GNAL: variants seen among roughly 807,000 people sequenced by gnomAD.
GNAL encodes guanine nucleotide-binding protein G(olf) subunit alpha.
Under a neutral mutation model 55.1 loss-of-function variants are expected in GNAL, and 18 were observed. The ratio of observed to expected loss-of-function variants is 0.33; its 90% CI spans 0.23 to 0.48. The LOEUF (loss-of-function observed/expected upper bound fraction) is 0.48, where lower values mean the gene tolerates loss of function less well. GNAL is among the 20% of genes least tolerant of loss of function. The pLI is 0.99. For synonymous variants in GNAL, 253 were observed against 237.0 expected (o/e 1.07, Z -0.62); for missense variants, 412 against 614.1 (o/e 0.67, Z 3.48).
chr18:11,850,385 C>T (rs1449598846), intron 5 of GNAL, among the ~76,000 whole-genome samples: 1 of 152,192 alleles, frequency 6.6e-6, no homozygotes, highest in Non-Finnish European at 1.5e-5. Flanking sequence ...TTAAAATGAT[C>T]TCTAAACAGA....
chr18:11,757,953 G>A (rs1010913593), intron 4 of GNAL, among the ~76,000 whole-genome samples: 5 of 152,090 alleles, frequency 3.3e-5, no homozygotes, highest in Admixed American at 2.6e-4. Context: ...AGGTGGCGGC[G>A]GCAGATTAGG....
intron 5 of GNAL, among the ~76,000 whole-genome samples, chr18:11,840,763 A>AGAGGAAGCACCCG (rs2035595985): frequency 6.6e-6 from 1 of 152,212 alleles, no homozygotes; most frequent in Non-Finnish European, 1.5e-5. Context: ...GCTGCAGAGA[A>AGAGGAAGCACCCG]GAGGAAGCAC....
chr18:11,861,990 A>ACACAC (rs1555615372), intron 5 of GNAL, among the ~76,000 whole-genome samples: 1 of 146,778 alleles, frequency 6.8e-6, no homozygotes, highest in Admixed American at 6.8e-5. Flanking sequence ...ACACACACAC[A>ACACAC]ACATCTGGAT....
At chr18:11,844,630 A>G (rs892939488) in intron 5 of GNAL, among the ~76,000 whole-genome samples, 1 of 152,090 alleles carries the variant, frequency 6.6e-6, no homozygotes, top group African/African-American at 2.4e-5. Flanking sequence ...CTGCACACAC[A>G]TGTCCCCGGG....
rs1199252909 is a variant in GNAL at position 11,751,585 on chromosome 18, A to G, written c.377-1268A>G. On this transcript the variant is annotated intron_variant, in intron 1 of 11. Transcript: ENST00000334049. This position sits in a 1 kb window ranked among gnomAD's most constrained non-coding sequence, Gnocchi z 4.5. Reference sequence around the variant, plus strand: ...GAGTCTTCGCCCGCCAGGAGCAGGGACGCGTCCGAGCCAACACGGGGCGCG... The same window carrying G: ...GAGTCTTCGCCCGCCAGGAGCAGGGGCGCGTCCGAGCCAACACGGGGCGCG... The G allele has an allele frequency of 4.1e-6, 4 of 985,420 alleles. No individual in the cohort carries two copies. In the East Asian group the frequency reaches 4.6e-4, roughly 112 times the overall value. The allele number at this position is 985,420 out of a possible 1,614,324, so 61.0% of individuals were successfully genotyped here.
intron 2 of GNAL, 79 bp from the exon 3 acceptor site, chr18:11,753,549 G>A: frequency 1.1e-6 from 1 of 939,106 alleles, no homozygotes; most frequent in Non-Finnish European, 1.7e-6. Context: ...GCTGTAGCTG[G>A]AAATTTAAAA....
chr18:11,836,050 G>A (rs1196324349), intron 5 of GNAL, among the ~76,000 whole-genome samples: 1 of 152,140 alleles, frequency 6.6e-6, no homozygotes, highest in East Asian at 1.9e-4. Flanking sequence ...CAGAGGCTGA[G>A]TTGGGAGGAT....
chr18:11,709,359 T>C (rs2031786836), intron 1 of GNAL, among the ~76,000 whole-genome samples: 1 of 150,356 alleles, frequency 6.7e-6, no homozygotes, highest in South Asian at 2.1e-4. Context: ...GTCATTAGGA[T>C]TTCCCTGGGG....
chr18:11,840,707 G>C (rs534173921), intron 5 of GNAL, among the ~76,000 whole-genome samples: 1 of 152,110 alleles, frequency 6.6e-6, no homozygotes, highest in African/African-American at 2.4e-5. Context: ...CCTGGTGGAC[G>C]TATTCGGGAA....
At chr18:11,729,998 G>A (rs2032298665) in intron 1 of GNAL, among the ~76,000 whole-genome samples, 1 of 152,026 alleles carries the variant, frequency 6.6e-6, no homozygotes, top group African/African-American at 2.4e-5. Flanking sequence ...TTATTTAGTT[G>A]GCAATGGGTT....
At chr18:11,766,556 C>T (rs762053027) in intron 4 of GNAL, among the ~76,000 whole-genome samples, 2 of 152,178 alleles carry the variant, frequency 1.3e-5, no homozygotes, top group Admixed American at 6.5e-5. Context: ...CCCCAAAGGG[C>T]GATCTTCTCA....
At chr18:11,879,131 T>C (rs1193412504) in intron 11 of GNAL, among the ~76,000 whole-genome samples, 1 of 150,108 alleles carries the variant, frequency 6.7e-6, no homozygotes, top group Non-Finnish European at 1.5e-5. Flanking sequence ...TAAAAATATA[T>C]ATATATAACC....
At chr18:11,873,355 A>T (rs1033697382) in intron 10 of GNAL, among the ~76,000 whole-genome samples, 7 of 152,232 alleles carry the variant, frequency 4.6e-5, no homozygotes, top group African/African-American at 1.4e-4. Flanking sequence ...AAGTATATTC[A>T]TAGTAAAATC....
chr18:11,768,786 C>T (rs1280775179), intron 4 of GNAL, among the ~76,000 whole-genome samples: 7 of 145,486 alleles, frequency 4.8e-5, no homozygotes, highest in African/African-American at 1.8e-4. Context: ...CCCAGCTACT[C>T]GGGAGGCTGA....
chr18:11,845,530 A>G (rs941858998), intron 5 of GNAL, among the ~76,000 whole-genome samples: 29 of 152,148 alleles, frequency 1.9e-4, no homozygotes, highest in Non-Finnish European at 2.4e-4. Context: ...AGACCTAACA[A>G]TATTTCACGT....
At chr18:11,863,116 T>C (rs1448894037) in intron 6 of GNAL, among the ~76,000 whole-genome samples, 1 of 152,142 alleles carries the variant, frequency 6.6e-6, no homozygotes, top group Non-Finnish European at 1.5e-5. Context: ...TGACCTCAAG[T>C]GATACACCTG....
At chr18:11,777,033 A>G (rs930938734) in intron 4 of GNAL, among the ~76,000 whole-genome samples, 2 of 152,256 alleles carry the variant, frequency 1.3e-5, no homozygotes, top group Non-Finnish European at 2.9e-5. Context: ...GGAAGGACAA[A>G]TACATTTCTT....
intron 5 of GNAL, chr18:11,851,297 G>A (rs2035855519): frequency 1.8e-6 from 1 of 542,284 alleles, no homozygotes; most frequent in Non-Finnish European, 3.1e-6. Context: ...GCAGCCCCTG[G>A]CGTCTTACGT....
chr18:11,854,957 C>T (rs1309426622), intron 5 of GNAL, among the ~76,000 whole-genome samples: 1 of 152,164 alleles, frequency 6.6e-6, no homozygotes, highest in Non-Finnish European at 1.5e-5. Flanking sequence ...CGGAGTCTCA[C>T]TGTCGCCCAG....
Sources: allele counts gnomAD v4.1 joint callset (sites outside exome capture counted in the v4.1 genomes callset), GRCh38; gene constraint gnomAD v4.1.1; non-coding constraint Gnocchi (gnomAD v3.1); transcripts MANE v1.5; gene names NCBI Gene and HGNC (gene_info 2026-07-23, HGNC 2026-07-21).